Variants in ATP10D observed in about 807,000 individuals in gnomAD.
ATP10D encodes the protein phospholipid-transporting ATPase VD.
A neutral mutation model predicts 144.8 loss-of-function variants in ATP10D; 89 were observed. The observed-to-expected ratio is 0.61, with a 90% CI of 0.52 to 0.73. The LOEUF (loss-of-function observed/expected upper bound fraction) is 0.73. ATP10D is among the 30% of genes least tolerant of loss of function. The pLI is 0.00. For missense variants in ATP10D, 1,603 were observed against 1,714.8 expected (o/e 0.93, Z 1.15); for synonymous variants, 571 against 615.1 (o/e 0.93, Z 1.06).
chr4:47,521,189 A>C (rs1007671731), intron 3 of ATP10D, among the ~76,000 whole-genome samples: 7 of 152,138 alleles, frequency 4.6e-5, no homozygotes, highest in African/African-American at 1.7e-4. Flanking sequence ...GGACTTCCAA[A>C]TCTTTACTCA....
At position 47,587,891 on chromosome 4, in the gene ATP10D, C is replaced by T. The variant is rs535965517; in HGVS notation, c.3941+685C>T. Among the ~76,000 whole-genome samples the T allele has an allele frequency of 3.3e-5, 5 of 152,294 alleles. No individual in the cohort carries two copies. In the East Asian group the frequency reaches 9.7e-4, roughly 29 times the overall value. Reference sequence around the variant, plus strand: ...CTCATCTCATGACAGAAGGTGACTACTCAGCTGATCCTCAGCCCTGCTTGC... The same window carrying T: ...CTCATCTCATGACAGAAGGTGACTATTCAGCTGATCCTCAGCCCTGCTTGC... On this transcript the variant is annotated intron_variant, in intron 22 of 22. Transcript: ENST00000273859.
In ATP10D at chr4:47,516,082, T is replaced by G. The variant is rs541392138; in HGVS notation, c.485+412T>G. On this transcript the variant is annotated intron_variant, in intron 3 of 22. Transcript: ENST00000273859. Reference sequence around the variant, plus strand: ...CTGTCTCTACTAAAAATACAAAAATTAGCCGGACGTGGTGGCAGGTGCCTG... The same window carrying G: ...CTGTCTCTACTAAAAATACAAAAATGAGCCGGACGTGGTGGCAGGTGCCTG... 5.3e-5 allele frequency among the ~76,000 whole-genome samples: 8 copies of G among 151,656 alleles called. 1 individual carries two copies. The highest frequency in any genetic ancestry group is 1.9e-4 in the African/African-American group (8 of 41,338).
intron 7 of ATP10D, 99 bp from the exon 8 acceptor site, chr4:47,536,338 C>T: frequency 6.9e-7 from 1 of 1,448,816 alleles, no homozygotes; most frequent in Non-Finnish European, 9.4e-7. Flanking sequence ...GATGTCCAAC[C>T]AAAATGAATA....
chr4:47,584,149 A>G (rs1720668038), intron 21 of ATP10D, among the ~76,000 whole-genome samples: 1 of 152,170 alleles, frequency 6.6e-6, no homozygotes, highest in South Asian at 2.1e-4. Flanking sequence ...ATGCATGGCT[A>G]GAGATCCTGG....
At chr4:47,531,307 G>A (rs1159316296) in intron 5 of ATP10D, among the ~76,000 whole-genome samples, 2 of 152,176 alleles carry the variant, frequency 1.3e-5, no homozygotes, top group East Asian at 3.9e-4. Context: ...GTCTTAATCA[G>A]GAGATAATGC....
intron 17 of ATP10D, among the ~76,000 whole-genome samples, chr4:47,572,577 G>GA (rs1356282011): frequency 1.3e-5 from 2 of 151,456 alleles, no homozygotes; most frequent in African/African-American, 4.9e-5. Flanking sequence ...GAGACCGAGG[G>GA]AAAAAAAGGG....
intron 1 of ATP10D, among the ~76,000 whole-genome samples, chr4:47,510,614 C>T (rs1716272750): frequency 6.6e-6 from 1 of 152,088 alleles, no homozygotes. Context: ...TTTCTGTGAA[C>T]CAGTAAGTAT....
intron 2 of ATP10D, among the ~76,000 whole-genome samples, chr4:47,514,610 A>G (rs1460246105): frequency 1.3e-5 from 2 of 152,182 alleles, no homozygotes; most frequent in Non-Finnish European, 2.9e-5. Flanking sequence ...AAAATTAGGG[A>G]CCCATGGAGA....
intron 5 of ATP10D, 96 bp from the exon 6 acceptor site, chr4:47,535,413 T>C (rs1291772925): frequency 3.2e-5 from 29 of 920,602 alleles, no homozygotes; most frequent in Non-Finnish European, 4.6e-5. Flanking sequence ...AATGCCTTTT[T>C]ACTCCAAGTC....
At chr4:47,519,166 C>G (rs1015143068) in intron 3 of ATP10D, among the ~76,000 whole-genome samples, 1 of 152,192 alleles carries the variant, frequency 6.6e-6, no homozygotes, top group African/African-American at 2.4e-5. Context: ...TACCCTTTCT[C>G]TCTTTAAAGA....
At chr4:47,527,219 A>T (rs1054219180) in intron 5 of ATP10D, among the ~76,000 whole-genome samples, 1 of 152,114 alleles carries the variant, frequency 6.6e-6, no homozygotes. Flanking sequence ...TTATCGTTTC[A>T]ACAAACAGTA....
intron 11 of ATP10D, among the ~76,000 whole-genome samples, chr4:47,555,289 T>C (rs1283150619): frequency 2.0e-5 from 3 of 152,214 alleles, no homozygotes; most frequent in Non-Finnish European, 4.4e-5. Context: ...GTGCCCTCCG[T>C]ATGAGAATCT....
intron 1 of ATP10D, among the ~76,000 whole-genome samples, chr4:47,486,572 A>G (rs1714770023): frequency 6.6e-6 from 1 of 152,222 alleles, no homozygotes; most frequent in Non-Finnish European, 1.5e-5. Flanking sequence ...AAGAGCAAAA[A>G]TCATTGCAAC....
chr4:47,570,170 T>C (rs2109461919), intron 16 of ATP10D, among the ~76,000 whole-genome samples: 1 of 152,180 alleles, frequency 6.6e-6, no homozygotes, highest in African/African-American at 2.4e-5. Flanking sequence ...GATGGCAGCT[T>C]GGGCACAGCT....
At chr4:47,511,607 A>G (rs1214812070) in intron 1 of ATP10D, among the ~76,000 whole-genome samples, 1 of 152,236 alleles carries the variant, frequency 6.6e-6, no homozygotes, top group Admixed American at 6.5e-5. Flanking sequence ...TAAGGAAAAT[A>G]AGGGAATATG....
intron 9 of ATP10D, among the ~76,000 whole-genome samples, chr4:47,544,474 A>C (rs1465810950): frequency 1.3e-5 from 2 of 152,240 alleles, no homozygotes; most frequent in African/African-American, 4.8e-5. Context: ...CACAATATGT[A>C]AACCAGTTTT....
In ATP10D at chr4:47,535,996, C is replaced by T. The variant is rs1348522538; in HGVS notation, c.978C>T (p.Val326=). Residue 326 remains valine, a synonymous_variant, in exon 7 of 23, where the codon GTC becomes GTT. Transcript: ENST00000273859. ...CAAACACAGATGTCCTCTGGTGTGT[C>T]ATGCTTCTGGTCATAATGTGCTTAA... ...RRANTDVLWC[V]MLLVIMCLTG... is the part of the protein sequence containing the mutation. The T allele has an allele frequency of 1.2e-6, 2 of 1,612,998 alleles. No homozygotes were observed. Among genetic ancestry groups the T allele is most frequent in the Non-Finnish European group, 8.5e-7 (1 of 1,179,230 alleles).
chr4:47,487,290 G>A (rs1034728547), intron 1 of ATP10D, among the ~76,000 whole-genome samples: 5 of 151,690 alleles, frequency 3.3e-5, no homozygotes, highest in African/African-American at 1.2e-4. Flanking sequence ...TAAAACGAAG[G>A]GAAATGCTCA....
intron 10 of ATP10D, among the ~76,000 whole-genome samples, chr4:47,553,861 C>T (rs1267892560): frequency 6.6e-6 from 1 of 152,234 alleles, no homozygotes; most frequent in African/African-American, 2.4e-5. Context: ...GGCTTTCCTG[C>T]AGTCACTGTG....
Sources: gnomAD v4.1 joint callset for allele counts (sites outside exome capture counted in the v4.1 genomes callset) on GRCh38, gnomAD v4.1.1 for gene constraint, MANE v1.5 for transcripts, NCBI Gene and HGNC (gene_info 2026-07-23, HGNC 2026-07-21) for gene names.